Variants in ADGRA3 observed in about 807,000 individuals in gnomAD.
ADGRA3 encodes the protein G-protein coupled receptor 125.
ADGRA3 carries 56 observed loss-of-function variants against 119.8 expected under a neutral mutation model. The ratio of observed to expected loss-of-function variants is 0.47; its 90% CI spans 0.38 to 0.58. The LOEUF (loss-of-function observed/expected upper bound fraction) is 0.58. Ranked by LOEUF, ADGRA3 falls within the 20% of genes least tolerant of loss-of-function variation. The probability of loss-of-function intolerance (pLI) is 0.00; values close to 1 mark genes in which losing one functional copy is unlikely to be tolerated. For synonymous variants in ADGRA3, 607 were observed against 623.8 expected, an observed-to-expected ratio of 0.97 and a Z score of 0.40; for missense variants, 1,516 against 1,649.0, an observed-to-expected ratio of 0.92 and a Z score of 1.40.
At position 22,431,442 on chromosome 4, in the gene ADGRA3, G is replaced by A. The variant is rs371991021; in HGVS notation, c.1443+3869C>T. ...CCATGGGAACCCACCTCTTGCATCA[G>A]TGTGACCTGGATGTGAGACATGGAG... On this transcript the variant is annotated intron_variant, in intron 10 of 18. Transcript: ENST00000334304. Among the ~76,000 whole-genome samples the A allele has an allele frequency of 9.2e-5, 14 of 152,342 alleles. 1 individual carries two copies. In the East Asian group the frequency reaches 2.1e-3, roughly 23 times the overall value.
intron 6 of ADGRA3, chr4:22,443,101 G>C (rs1335829919): frequency 1.5e-6 from 1 of 681,948 alleles, no homozygotes. Flanking sequence ...TTCCTCTTCA[G>C]TGGCATCCTA....
intron 3 of ADGRA3, among the ~76,000 whole-genome samples, chr4:22,457,029 C>T (rs1164686935): frequency 6.6e-6 from 1 of 152,144 alleles, no homozygotes; most frequent in Non-Finnish European, 1.5e-5. Context: ...TATCTAGGCT[C>T]TATTTATAAT....
intron 1 of ADGRA3, among the ~76,000 whole-genome samples, chr4:22,513,224 C>A (rs1445952986): frequency 6.7e-6 from 1 of 149,950 alleles, no homozygotes; most frequent in Non-Finnish European, 1.5e-5. Context: ...TGTCTCACTG[C>A]AAACTCCTTC....
At chr4:22,430,495 T>C (rs961967531) in intron 10 of ADGRA3, among the ~76,000 whole-genome samples, 2 of 152,162 alleles carry the variant, frequency 1.3e-5, no homozygotes, top group East Asian at 1.9e-4. Context: ...TAGAGATTTG[T>C]GGAAATTTGA....
chr4:22,413,737 A>C lies in ADGRA3; in HGVS notation c.1887T>G (p.Thr629=). 6.2e-7 allele frequency: 1 copy of C among 1,613,966 alleles called. No individual in the cohort carries two copies. Among genetic ancestry groups the C allele is most frequent in the Non-Finnish European group, 8.5e-7 (1 of 1,179,886 alleles). ...SPKQKRELRP[T]DDSLYKLQLI... ...GTTGAAGCTTGTAAAGAGAGTCATCAGTTGGTCTGAGTTCTCTTTTTTGCT... is the reference window on the plus strand; with the variant it reads ...GTTGAAGCTTGTAAAGAGAGTCATCCGTTGGTCTGAGTTCTCTTTTTTGCT... The change falls in exon 13 of 19, where the codon ACT becomes ACG. Residue 629 remains threonine, a synonymous_variant. Coordinates refer to ENST00000334304, the MANE Select transcript of ADGRA3 (RefSeq NM_145290.4).
chr4:22,491,579 C>A (rs1020298548), intron 1 of ADGRA3, among the ~76,000 whole-genome samples: 2 of 152,154 alleles, frequency 1.3e-5, no homozygotes, highest in African/African-American at 4.8e-5. Flanking sequence ...TCTGGTCAAA[C>A]CCCTCTCTTC....
chr4:22,408,695 A>G (rs1715056488), intron 14 of ADGRA3, among the ~76,000 whole-genome samples: 1 of 152,176 alleles, frequency 6.6e-6, no homozygotes, highest in African/African-American at 2.4e-5. Context: ...TTGAGACTGT[A>G]AACCAACATA....
chr4:22,473,184 G>C (rs1427939862), intron 2 of ADGRA3: 1 of 152,110 alleles, frequency 6.6e-6, no homozygotes, highest in African/African-American at 2.4e-5. Flanking sequence ...GCTTCCTGAG[G>C]CCTCCTTAGA....
At position 22,388,458 on chromosome 4, in the gene ADGRA3, T is replaced by C; in HGVS notation, c.3213A>G (p.Gln1071=). Residue 1071 remains glutamine (Q), a synonymous_variant, in exon 19 of 19, where the codon CAA becomes CAG. Transcript: ENST00000334304. ...CCPGRSSYSV[Q]VNVQPPNSNG... ...TAGAGTTGGGGGGCTGGACGTTGAC[T>C]TGCACTGAATACGAGCTCCGTCCTG... is the stretch of plus-strand genomic sequence containing the variant. 6.2e-7 allele frequency: 1 copy of C among 1,614,074 alleles called. No homozygotes were observed. Among genetic ancestry groups the C allele is most frequent in the Non-Finnish European group, 8.5e-7 (1 of 1,180,008 alleles).
intron 2 of ADGRA3, among the ~76,000 whole-genome samples, chr4:22,463,320 CCTTA>C (rs994615266): frequency 6.6e-6 from 1 of 152,288 alleles, no homozygotes; most frequent in Non-Finnish European, 1.5e-5. Context: ...TTCCTTAGTC[CCTTA>C]CTTACTTGAA....
intron 1 of ADGRA3, among the ~76,000 whole-genome samples, chr4:22,501,363 C>T (rs997098392): frequency 3.9e-5 from 6 of 152,136 alleles, no homozygotes; most frequent in African/African-American, 1.4e-4. Context: ...CCAGGATCTT[C>T]AGTTTTACTT....
intron 7 of ADGRA3, 77 bp from the exon 8 acceptor site, chr4:22,438,497 A>G: frequency 8.8e-7 from 1 of 1,130,838 alleles, no homozygotes; most frequent in Non-Finnish European, 1.2e-6. Context: ...CTCAATCATT[A>G]ATTTAGCAAA....
At chr4:22,488,602 G>A (rs1269685106) in intron 1 of ADGRA3, among the ~76,000 whole-genome samples, 1 of 152,164 alleles carries the variant, frequency 6.6e-6, no homozygotes, top group Non-Finnish European at 1.5e-5. Flanking sequence ...GCTACTTCGG[G>A]GATCTAGAGG....
rs182672344 is a variant in ADGRA3, at chr4:22,421,256, A to C, written c.1606-167T>G. 1.2e-4 allele frequency among the ~76,000 whole-genome samples: 19 copies of C among 152,024 alleles called. No homozygotes were observed. In the East Asian group the frequency reaches 3.7e-3, roughly 29 times the overall value. Reference sequence around the variant, plus strand: ...ATAACTGGCAGAATAAAAAAAAAAAAAGAAAGACAGACCCTGGAATGAAAA... The same window carrying C: ...ATAACTGGCAGAATAAAAAAAAAAACAGAAAGACAGACCCTGGAATGAAAA... On this transcript the variant is annotated intron_variant, in intron 11 of 18. Transcript: ENST00000334304.
chr4:22,413,855 G>A, intron 12 of ADGRA3, 41 bp from the exon 13 acceptor site: 4 of 1,356,932 alleles, frequency 2.9e-6, no homozygotes, highest in Non-Finnish European at 4.0e-6. Flanking sequence ...CACTACATTA[G>A]TACATAGAAA....
chr4:22,437,808 AG>A (rs966935807), intron 8 of ADGRA3, among the ~76,000 whole-genome samples: 7 of 152,060 alleles, frequency 4.6e-5, no homozygotes, highest in Non-Finnish European at 7.4e-5. Flanking sequence ...AAAATTAGAT[AG>A]GTGTTTCTTC....
At position 22,413,782 on chromosome 4, in the gene ADGRA3, A is replaced by T. The variant is rs1010509334; in HGVS notation, c.1842T>A (p.Pro614=). Residue 614 remains proline (P), a synonymous_variant, in exon 13 of 19, where the codon CCT becomes CCA. Transcript: ENST00000334304. ...NTIVEASIQL[P]PSLFSPKQKR... ...TTTGCTTTGGTGAGAAAAGGGAAGG[A>T]GGAAGCTGAATAGAAGCCTCCACAA... is the stretch of plus-strand genomic sequence containing the variant. The T allele has an allele frequency of 1.9e-6, 3 of 1,613,724 alleles. No individual in the cohort carries two copies. The East Asian group carries it at 6.7e-5, about 36-fold the overall frequency.
chr4:22,477,775 T>C (rs910973995), intron 1 of ADGRA3: 2 of 152,228 alleles, frequency 1.3e-5, no homozygotes, highest in African/African-American at 4.8e-5. Flanking sequence ...AAATACAGTT[T>C]ACAACCTCAA....
chr4:22,443,846 T>C (rs1032436253), intron 6 of ADGRA3, among the ~76,000 whole-genome samples: 1 of 152,190 alleles, frequency 6.6e-6, no homozygotes, highest in African/African-American at 2.4e-5. Context: ...TTTTATTTAT[T>C]TGCACAAATC....
Sources: allele counts gnomAD v4.1 joint callset (sites outside exome capture counted in the v4.1 genomes callset), GRCh38; gene constraint gnomAD v4.1.1; transcripts MANE v1.5; gene names NCBI Gene and HGNC (gene_info 2026-07-23, HGNC 2026-07-21).